The following VWF variants were observed in gnomAD, a reference collection of about 807,000 sequenced individuals.
VWF encodes the protein von Willebrand factor.
Under a neutral mutation model 308.6 loss-of-function variants are expected in VWF, and 176 were observed. That is an observed-to-expected ratio of 0.57 (90% CI 0.50 to 0.65). The LOEUF (loss-of-function observed/expected upper bound fraction) is 0.65, where lower values mean the gene tolerates loss of function less well. VWF is among the 30% of genes least tolerant of loss of function. The pLI is 0.00. For missense variants in VWF, 3,146 were observed against 3,648.2 expected (o/e 0.86, Z 3.55); for synonymous variants, 1,385 against 1,443.4 (o/e 0.96, Z 0.92).
At position 6,044,358 on chromosome 12, in the gene VWF, C is replaced by A. The variant is rs1944423759; in HGVS notation, c.2375G>T (p.Cys792Phe). 1 of 1,614,096 alleles carries A rather than the reference C, an allele frequency of 6.2e-7. No homozygotes were observed. Among genetic ancestry groups the A allele is most frequent in the African/African-American group, 1.3e-5 (1 of 74,942 alleles). Residue 792 changes from cysteine to phenylalanine, a missense_variant, in exon 18 of 52, where the codon TGC becomes TTC. By Grantham distance (205) the Cys-to-Phe change is radical. Transcript: ENST00000261405. The stretch of plus-strand genomic sequence containing the variant: ...CATGCACTCCAGGTCATAGTTCTGG[C>A]ACGTTTTGGTACACTCGAGCCCTTC... ...RAEGLECTKTCQNYDLECMSM... is the reference protein window; with the variant it reads ...RAEGLECTKTFQNYDLECMSM...
At chr12:6,004,023 T>C (rs1307314976) in intron 34 of VWF, among the ~76,000 whole-genome samples, 1 of 152,046 alleles carries the variant, frequency 6.6e-6, no homozygotes, top group Non-Finnish European at 1.5e-5. Context: ...CACCGTGTGT[T>C]AGCCAGGCTG....
intron 43 of VWF, among the ~76,000 whole-genome samples, chr12:5,974,462 G>A (rs1174488867): frequency 6.6e-6 from 1 of 152,112 alleles, no homozygotes; most frequent in Non-Finnish European, 1.5e-5. Context: ...TTTCTACGCA[G>A]CCAGGATTAT....
In VWF at chr12:5,953,609, G is replaced by C; in HGVS notation, c.7888-15C>G. 6.2e-7 allele frequency: 1 copy of C among 1,608,964 alleles called. No individual in the cohort carries two copies. The highest frequency in any genetic ancestry group is 1.7e-4 in the Middle Eastern group (1 of 6,054). ...TCCTTGTAACCCTGCATCCAGAGGGGGAAAAAGCAGCCATAGTTAACCTCC... is the reference window on the plus strand; with the variant it reads ...TCCTTGTAACCCTGCATCCAGAGGGCGAAAAAGCAGCCATAGTTAACCTCC... On this transcript the variant is annotated splice_polypyrimidine_tract_variant and intron_variant, in intron 47 of 51. Transcript: ENST00000261405.
chr12:5,953,696 GTT>G, intron 47 of VWF, 102 bp from the exon 48 acceptor site: 3 of 917,014 alleles, frequency 3.3e-6, no homozygotes, highest in Non-Finnish European at 3.6e-6. Context: ...TCATCCAGTA[GTT>G]TCACCTAGAA....
At chr12:5,954,308 G>A (rs1219039811) in intron 47 of VWF, among the ~76,000 whole-genome samples, 1 of 152,100 alleles carries the variant, frequency 6.6e-6, no homozygotes, top group Non-Finnish European at 1.5e-5. Flanking sequence ...CTGTAGTTAC[G>A]GCACAGTGGC....
chr12:6,088,473 T>G (rs1229564019), intron 6 of VWF, among the ~76,000 whole-genome samples: 2 of 141,210 alleles, frequency 1.4e-5, no homozygotes. Context: ...AGCGAGACTC[T>G]GTCTAAAAAA....
In VWF at chr12:5,965,803, C is replaced by T. The variant is rs369687486; in HGVS notation, c.7887+1683G>A. ...ACTAGCGGAGGACGCTGAGCTAGAA[C>T]GGGATCAGCAGAGGCCGGATTCAGC... On this transcript the variant is annotated intron_variant, in intron 47 of 51. Transcript: ENST00000261405. Among the ~76,000 whole-genome samples the T allele has an allele frequency of 5.8e-4, 89 of 152,250 alleles. 1 individual carries two copies. Among genetic ancestry groups the T allele is most frequent in the South Asian group, 2.1e-3 (10 of 4,832 alleles).
intron 47 of VWF, among the ~76,000 whole-genome samples, chr12:5,964,017 T>A (rs12307884): frequency 6.8e-6 from 1 of 147,912 alleles, no homozygotes; most frequent in Non-Finnish European, 1.5e-5. Flanking sequence ...ACCATTCTGG[T>A]TAACACGGTG....
chr12:6,100,705 A>G (rs1156912782), intron 5 of VWF, among the ~76,000 whole-genome samples: 1 of 152,208 alleles, frequency 6.6e-6, no homozygotes, highest in Non-Finnish European at 1.5e-5. Context: ...GAACACATGG[A>G]CACAGGAAGG....
intron 47 of VWF, among the ~76,000 whole-genome samples, chr12:5,961,241 A>T (rs1943311200): frequency 6.6e-6 from 1 of 152,226 alleles, no homozygotes. Context: ...TAATAGAAAT[A>T]AGGTGCATAA....
intron 22 of VWF, among the ~76,000 whole-genome samples, chr12:6,028,197 G>T (rs1367095277): frequency 6.6e-6 from 1 of 152,138 alleles, no homozygotes; most frequent in Non-Finnish European, 1.5e-5. Flanking sequence ...CAAACTGTTG[G>T]ACCCTAAATA....
At chr12:6,103,438 A>ATACACACGTGTG (rs1945200434) in intron 5 of VWF, among the ~76,000 whole-genome samples, 1 of 122,176 alleles carries the variant, frequency 8.2e-6, no homozygotes, top group Non-Finnish European at 1.7e-5. Flanking sequence ...ACACGTGTGT[A>ATACACACGTGTG]TATACATACA....
At position 6,036,424 on chromosome 12, in the gene VWF, G is replaced by T. The variant is rs75645183; in HGVS notation, c.2510C>A (p.Ala837Asp). 1.3e-3 allele frequency: 2,076 copies of T among 1,614,178 alleles called. 24 individuals are homozygous for T. The African/African-American group carries it at 0.023, about 18-fold the overall frequency. The change falls in exon 19 of 52, where the codon GCC (alanine) becomes GAC (aspartate). Residue 837 changes from alanine (A) to aspartate (D), a missense_variant. Coordinates refer to ENST00000261405, the MANE Select transcript of VWF (RefSeq NM_000552.5). ...GCCAATCTTCACTGTTTCTCCAGGG[G>T]CATACTCCTTGCCCTGATGGAAGCA... ...CPCFHQGKEYAPGETVKIGCN... is the reference protein window; with the variant it reads ...CPCFHQGKEYDPGETVKIGCN...
Position 6,075,550 on chromosome 12 carries a change from C to T in VWF, c.659G>A (p.Gly220Asp). 1 of 1,613,356 alleles carries T rather than the reference C, an allele frequency of 6.2e-7. No homozygotes were observed. The highest frequency in any genetic ancestry group is 1.3e-5 in the African/African-American group (1 of 75,048). The change falls in exon 7 of 52, where the codon GGC (glycine) becomes GAC (aspartate). Residue 220 changes from glycine (G) to aspartate (D), a missense_variant and splice_region_variant. By Grantham distance (94) the Gly-to-Asp change is moderately conservative. Transcript: ENST00000261405. The surrounding 1 kb of genome is among the most constrained non-coding windows in gnomAD (Gnocchi z 4.7). ...CAGAAGCTGGCACTGCTCCCACAGG[C>T]CCTGCAGGAAGAGGGGCCGCCTCAG... ...CNISSGEMQK[G>D]LWEQCQLLKS...
At chr12:6,034,849 T>G (rs1755680864) in intron 19 of VWF, 23 bp from the exon 20 acceptor site, 1 of 1,612,500 alleles carries the variant, frequency 6.2e-7, no homozygotes, top group Non-Finnish European at 8.5e-7. Flanking sequence ...ATGGCAGAGA[T>G]GACAAGTTGG....
chr12:6,022,003 C>T lies in VWF; in HGVS notation c.3571G>A (p.Val1191Ile), dbSNP rs368327275. 5 of 1,614,078 alleles carry T rather than the reference C, an allele frequency of 3.1e-6. No individual in the cohort carries two copies. The highest frequency in any genetic ancestry group is 2.7e-5 in the African/African-American group (2 of 74,920). ...CACACTGGACAGTCTTCAGGGTCAA[C>T]GCAGGTCTGCAAAAGCTCATCCAGG... ...KILDELLQTC[V>I]DPEDCPVCEV... Residue 1191 changes from valine to isoleucine, a missense_variant, in exon 27 of 52, where the codon GTT (valine) becomes ATT (isoleucine). Val to Ile is a conservative substitution (Grantham distance 29). Transcript: ENST00000261405.
At chr12:6,025,248 G>A (rs1391123723) in intron 24 of VWF, among the ~76,000 whole-genome samples, 1 of 152,248 alleles carries the variant, frequency 6.6e-6, no homozygotes, top group Admixed American at 6.5e-5. Flanking sequence ...ACAGGAAAAG[G>A]AAATCTCTGG....
At chr12:5,999,665 C>T (rs1943850194) in intron 34 of VWF, among the ~76,000 whole-genome samples, 1 of 151,798 alleles carries the variant, frequency 6.6e-6, no homozygotes. Flanking sequence ...AATGAAAATT[C>T]CACAAAAAGG....
At chr12:6,044,243 T>C (rs773651911) in intron 18 of VWF, 48 bp downstream of exon 18, 26 of 1,610,664 alleles carry the variant, frequency 1.6e-5, no homozygotes, top group Non-Finnish European at 2.2e-5. Flanking sequence ...CATCCCTGCC[T>C]ACAAGAAAAC....
Sources: allele counts gnomAD v4.1 joint callset (sites outside exome capture counted in the v4.1 genomes callset), GRCh38; gene constraint gnomAD v4.1.1; non-coding constraint Gnocchi (gnomAD v3.1); transcripts MANE v1.5; gene names NCBI Gene and HGNC (gene_info 2026-07-23, HGNC 2026-07-21).